TRERF1: variants seen among roughly 807,000 people sequenced by gnomAD.
TRERF1 encodes transcriptional regulating factor 1.
A neutral mutation model predicts 122.9 loss-of-function variants in TRERF1; 27 were observed. That is an observed-to-expected ratio of 0.22 (90% CI 0.16 to 0.30). The LOEUF is 0.30. TRERF1 is among the 10% of genes least tolerant of loss of function. TRERF1 has a pLI of 1.00. For synonymous variants in TRERF1, 636 were observed against 641.7 expected (o/e 0.99, Z 0.13); for missense variants, 1,248 against 1,560.3 (o/e 0.80, Z 3.37).
At chr6:42,349,216 C>A (rs985109847) in intron 3 of TRERF1, among the ~76,000 whole-genome samples, 1 of 152,086 alleles carries the variant, frequency 6.6e-6, no homozygotes, top group African/African-American at 2.4e-5. Flanking sequence ...GCCAAGGGAA[C>A]CCAGTCAGGG....
intron 3 of TRERF1, among the ~76,000 whole-genome samples, chr6:42,362,438 A>C (rs949067060): frequency 1.3e-5 from 2 of 152,238 alleles, no homozygotes; most frequent in African/African-American, 2.4e-5. Flanking sequence ...TAAAAGCTTA[A>C]AATTCTATTT....
At chr6:42,329,019 C>T (rs1379375718) in intron 3 of TRERF1, among the ~76,000 whole-genome samples, 2 of 152,146 alleles carry the variant, frequency 1.3e-5, no homozygotes, top group Admixed American at 1.3e-4. Context: ...AAGGCCCTGC[C>T]TTGAAACAAC....
rs976735175 is a variant in TRERF1 at position 42,393,523 on chromosome 6, C to T, written c.-453-30444G>A. Among the ~76,000 whole-genome samples the T allele has an allele frequency of 6.6e-6, 1 of 152,222 alleles. No homozygotes were observed. The highest frequency in any genetic ancestry group is 1.5e-5 in the Non-Finnish European group (1 of 68,042). On this transcript the variant is annotated intron_variant, in intron 2 of 17. Coordinates refer to ENST00000372922, the Ensembl canonical transcript of TRERF1. The surrounding 1 kb of genome is among the most constrained non-coding windows in gnomAD (Gnocchi z 4.1). ...CAGATGGTGAATTCCCTGCAGAGTG[C>T]AAAGGTCACGGGAGTGTGCAAGGCC...
chr6:42,334,842 G>A (rs1765863777), intron 3 of TRERF1, among the ~76,000 whole-genome samples: 1 of 152,240 alleles, frequency 6.6e-6, no homozygotes, highest in African/African-American at 2.4e-5. Flanking sequence ...CCCCACGTGT[G>A]CTTGAGTGAG....
chr6:42,243,489 C>G, intron 14 of TRERF1, 128 bp from the exon 15 acceptor site: 1 of 635,076 alleles, frequency 1.6e-6, no homozygotes, highest in Non-Finnish European at 2.8e-6. Flanking sequence ...AAAAAATGTA[C>G]CTGGTGAAAG....
chr6:42,429,984 G>A (rs1223625340), intron 2 of TRERF1, among the ~76,000 whole-genome samples: 1 of 152,020 alleles, frequency 6.6e-6, no homozygotes, highest in Non-Finnish European at 1.5e-5. Context: ...CAATGCAGAT[G>A]AGTATCTAGG....
At chr6:42,339,491 T>C (rs1426499392) in intron 3 of TRERF1, among the ~76,000 whole-genome samples, 1 of 152,210 alleles carries the variant, frequency 6.6e-6, no homozygotes, top group Non-Finnish European at 1.5e-5. Context: ...CAACTACTTC[T>C]GAACCCAGGA....
At chr6:42,280,135 C>T (rs1054243713) in intron 4 of TRERF1, among the ~76,000 whole-genome samples, 1 of 152,144 alleles carries the variant, frequency 6.6e-6, no homozygotes, top group African/African-American at 2.4e-5. Context: ...GAGCTACATA[C>T]TGGGCAATGC....
intron 3 of TRERF1, among the ~76,000 whole-genome samples, chr6:42,322,633 G>C (rs1763634023): frequency 2.0e-5 from 3 of 151,990 alleles, no homozygotes. Context: ...ACAAGTTATA[G>C]AGGTGTGGGG....
chr6:42,426,168 C>A (rs1160248090), intron 2 of TRERF1, among the ~76,000 whole-genome samples: 1 of 152,164 alleles, frequency 6.6e-6, no homozygotes, highest in Non-Finnish European at 1.5e-5. Flanking sequence ...CTTTCCAACT[C>A]TGAAAGGCTT....
At chr6:42,447,818 C>T (rs1787801901) in intron 2 of TRERF1, among the ~76,000 whole-genome samples, 3 of 152,140 alleles carry the variant, frequency 2.0e-5, no homozygotes, top group Non-Finnish European at 2.9e-5. Flanking sequence ...ACTTCTCATG[C>T]CTCATCCTCC....
At chr6:42,390,194 T>C (rs1485992824) in intron 2 of TRERF1, among the ~76,000 whole-genome samples, 7 of 152,208 alleles carry the variant, frequency 4.6e-5, no homozygotes, top group Non-Finnish European at 1.0e-4. Context: ...AACGAAGATA[T>C]ACAAGAGGCA....
chr6:42,262,066 A>G (rs1777983865), intron 8 of TRERF1, among the ~76,000 whole-genome samples: 1 of 152,098 alleles, frequency 6.6e-6, no homozygotes, highest in Non-Finnish European at 1.5e-5. Flanking sequence ...TATTTCCCCA[A>G]GGAAACACTG....
chr6:42,277,982 A>C (rs1286212860), intron 4 of TRERF1, among the ~76,000 whole-genome samples: 1 of 151,406 alleles, frequency 6.6e-6, no homozygotes, highest in African/African-American at 2.4e-5. Flanking sequence ...GAAGACTGCA[A>C]TAGAAGACAG....
intron 2 of TRERF1, among the ~76,000 whole-genome samples, chr6:42,392,033 C>G (rs949465001): frequency 5.9e-5 from 9 of 152,198 alleles, no homozygotes; most frequent in African/African-American, 2.2e-4. Flanking sequence ...CAGCCTCTAT[C>G]TCCTTCCCAT....
chr6:42,382,001 C>T (rs73733166), intron 2 of TRERF1, among the ~76,000 whole-genome samples: 13,788 of 151,422 alleles, frequency 0.091, 944 homozygotes, highest in African/African-American at 0.19. Context: ...AAGCACTTTC[C>T]CATACTCAGT....
intron 17 of TRERF1, among the ~76,000 whole-genome samples, chr6:42,230,614 C>G (rs984932690): frequency 2.6e-5 from 4 of 152,066 alleles, no homozygotes; most frequent in Admixed American, 1.3e-4. Flanking sequence ...ATCATTATTT[C>G]AATTAAAAAA....
chr6:42,427,407 A>C (rs1248296567), intron 2 of TRERF1, among the ~76,000 whole-genome samples: 1 of 151,824 alleles, frequency 6.6e-6, no homozygotes, highest in Non-Finnish European at 1.5e-5. Flanking sequence ...ATAGGCGTGC[A>C]CCACTATGCC....
At chr6:42,422,504 CAAAAA>C (rs70987594) in intron 2 of TRERF1, among the ~76,000 whole-genome samples, 215 of 120,652 alleles carry the variant, frequency 1.8e-3, no homozygotes, top group East Asian at 4.0e-3. Context: ...ACCCTGTCTC[CAAAAA>C]AAAAAAAAAA....
Sources: allele counts gnomAD v4.1 joint callset (sites outside exome capture counted in the v4.1 genomes callset), GRCh38; gene constraint gnomAD v4.1.1; non-coding constraint Gnocchi (gnomAD v3.1); transcripts MANE v1.5; gene names NCBI Gene and HGNC (gene_info 2026-07-23, HGNC 2026-07-21).